TYW1: variants seen among roughly 807,000 people sequenced by gnomAD.
TYW1 encodes S-adenosyl-L-methionine-dependent tRNA 4-demethylwyosine synthase TYW1.
Under a neutral mutation model 96.2 loss-of-function variants are expected in TYW1, and 46 were observed. The ratio of observed to expected loss-of-function variants is 0.48; its 90% CI spans 0.38 to 0.61. TYW1 has a LOEUF of 0.61. Ranked by LOEUF, TYW1 falls within the 20% of genes least tolerant of loss-of-function variation. TYW1 has a pLI of 0.00. For synonymous variants in TYW1, 274 were observed against 323.0 expected, an observed-to-expected ratio of 0.85 and a Z score of 1.63; for missense variants, 684 against 909.6, an observed-to-expected ratio of 0.75 and a Z score of 3.19.
At chr7:67,220,029 A>G (rs1437483439) in intron 15 of TYW1, among the ~76,000 whole-genome samples, 2 of 150,028 alleles carry the variant, frequency 1.3e-5, no homozygotes, top group African/African-American at 4.9e-5. Flanking sequence ...TTACCTTAGC[A>G]TTGCTTTCAC....
At position 67,031,055 on chromosome 7, in the gene TYW1, T is replaced by A. The variant is rs1584483096; in HGVS notation, c.984+6033T>A. ...GTCTCGACTAAAAATTAGCTGGGCGTGGTGGCGCATACCTGTAATCCCAGC... is the reference window on the plus strand; with the variant it reads ...GTCTCGACTAAAAATTAGCTGGGCGAGGTGGCGCATACCTGTAATCCCAGC... On this transcript the variant is annotated intron_variant, in intron 7 of 15. Coordinates refer to ENST00000359626, the MANE Select transcript of TYW1 (RefSeq NM_018264.4). Among the ~76,000 whole-genome samples the A allele has an allele frequency of 4.3e-5, 6 of 138,438 alleles. No individual in the cohort carries two copies. In the South Asian group the frequency reaches 1.5e-3, roughly 34 times the overall value. 90.8% of individuals were successfully genotyped at this position (138,438 alleles called of 152,430 possible).
Position 67,014,383 on chromosome 7 carries a change from T to C in TYW1, c.392T>C (p.Val131Ala), listed in dbSNP as rs368120706. Residue 131 changes from valine (V) to alanine (A), a missense_variant, in exon 5 of 16, where the codon GTC (valine) becomes GCC (alanine). Val to Ala is a moderately conservative substitution (Grantham distance 64, BLOSUM62 0). Coordinates refer to ENST00000359626, the MANE Select transcript of TYW1 (RefSeq NM_018264.4). Reference sequence around the variant, plus strand: ...CTTGGTTAGGTGACTAGTAAAAATGTCTGTGTCTTCCTGGTTGCGACATAC... The same window carrying C: ...CTTGGTTAGGTGACTAGTAAAAATGCCTGTGTCTTCCTGGTTGCGACATAC... ...HLIEEVTSKN[V>A]CVFLVATYTD... 7 of 1,608,114 alleles carry C rather than the reference T, an allele frequency of 4.4e-6. No homozygotes were observed. The highest frequency in any genetic ancestry group is 5.9e-6 in the Non-Finnish European group (7 of 1,176,550).
chr7:67,195,457 C>T (rs1293223061), intron 15 of TYW1, 120 bp downstream of exon 15: 2 of 1,466,716 alleles, frequency 1.4e-6, no homozygotes, highest in Admixed American at 4.4e-5. Context: ...GCTACCTTTC[C>T]CAAAACAAAA....
intron 4 of TYW1, among the ~76,000 whole-genome samples, chr7:67,013,934 G>C (rs544612200): frequency 0.018 from 2,803 of 151,810 alleles, 36 homozygotes; most frequent in Non-Finnish European, 0.03. Flanking sequence ...TAGTAGAGAC[G>C]AGGTTTCACC....
At chr7:67,161,232 A>T (rs772465655) in intron 13 of TYW1, among the ~76,000 whole-genome samples, 6 of 152,074 alleles carry the variant, frequency 3.9e-5, no homozygotes, top group Admixed American at 2.6e-4. Context: ...TTACATTTTC[A>T]TATTTATTTT....
At chr7:67,125,163 C>A (rs1242928855) in intron 13 of TYW1, among the ~76,000 whole-genome samples, 3 of 152,106 alleles carry the variant, frequency 2.0e-5, no homozygotes, top group African/African-American at 4.8e-5. Flanking sequence ...CTTAATATTG[C>A]TTGATAAACA....
chr7:67,203,163 G>A (rs938814376), intron 15 of TYW1, among the ~76,000 whole-genome samples: 3 of 152,148 alleles, frequency 2.0e-5, no homozygotes, highest in Admixed American at 6.5e-5. Context: ...TCTGGCGACC[G>A]CTAATCTCCT....
At chr7:67,186,379 G>A (rs185705656) in intron 14 of TYW1, among the ~76,000 whole-genome samples, 1 of 149,248 alleles carries the variant, frequency 6.7e-6, no homozygotes, top group African/African-American at 2.5e-5. Context: ...TTTAAAGAAT[G>A]ACAGCTACTT....
intron 10 of TYW1, among the ~76,000 whole-genome samples, chr7:67,079,624 G>A (rs998008613): frequency 3.0e-4 from 45 of 148,996 alleles, no homozygotes; most frequent in Non-Finnish European, 5.2e-4. Flanking sequence ...ATTTTTTTCT[G>A]TTCTAGTAAT....
At chr7:67,208,251 A>G (rs1166388294) in intron 15 of TYW1, among the ~76,000 whole-genome samples, 1 of 151,634 alleles carries the variant, frequency 6.6e-6, no homozygotes, top group Non-Finnish European at 1.5e-5. Context: ...AGCCTGGGAG[A>G]CAGTGGTTGC....
intron 12 of TYW1, among the ~76,000 whole-genome samples, chr7:67,103,482 A>G (rs34340486): frequency 6.6e-6 from 1 of 152,256 alleles, no homozygotes; most frequent in Non-Finnish European, 1.5e-5. Flanking sequence ...GGGCTATAGA[A>G]TAGTGAAACA....
At chr7:67,188,250 G>A (rs1295802906) in intron 14 of TYW1, among the ~76,000 whole-genome samples, 1 of 152,160 alleles carries the variant, frequency 6.6e-6, no homozygotes, top group East Asian at 1.9e-4. Context: ...AATCCAGGAG[G>A]CAGAGGCTGC....
chr7:67,163,665 A>G, intron 13 of TYW1, among the ~76,000 whole-genome samples: 1 of 146,814 alleles, frequency 6.8e-6, no homozygotes. Flanking sequence ...TTTAAGCAGG[A>G]GAATTTTTTT....
At chr7:67,140,790 A>G (rs946286035) in intron 13 of TYW1, among the ~76,000 whole-genome samples, 8 of 152,224 alleles carry the variant, frequency 5.3e-5, no homozygotes, top group Non-Finnish European at 8.8e-5. Flanking sequence ...AGAAAAATAT[A>G]TACAAGATTA....
intron 15 of TYW1, among the ~76,000 whole-genome samples, chr7:67,217,287 T>C (rs989014914): frequency 6.6e-6 from 1 of 152,224 alleles, no homozygotes; most frequent in Non-Finnish European, 1.5e-5. Flanking sequence ...AGTTTGTCTA[T>C]TCTTTCTTTT....
chr7:67,189,527 G>T (rs1309529434), intron 14 of TYW1, among the ~76,000 whole-genome samples: 1 of 136,660 alleles, frequency 7.3e-6, no homozygotes, highest in African/African-American at 3.0e-5. Flanking sequence ...ACTTACTAGA[G>T]TCTCATGTGG....
At chr7:67,186,968 A>G (rs112827205) in intron 14 of TYW1, among the ~76,000 whole-genome samples, 43,703 of 151,626 alleles carry the variant, frequency 0.29, 6,976 homozygotes, top group African/African-American at 0.43. Context: ...ATTGAAAATA[A>G]GCAAAAATCT....
chr7:67,099,937 G>C (rs1231801544), intron 12 of TYW1, among the ~76,000 whole-genome samples: 1 of 152,120 alleles, frequency 6.6e-6, no homozygotes, highest in African/African-American at 2.4e-5. Flanking sequence ...GGGAGGCGGA[G>C]GTTTCAGTGA....
chr7:67,129,545 A>G lies in TYW1; in HGVS notation c.1698+11927A>G, dbSNP rs550366797. Among the ~76,000 whole-genome samples the G allele has an allele frequency of 4.6e-5, 7 of 152,256 alleles. No homozygotes were observed. The South Asian group carries it at 1.2e-3, about 27-fold the overall frequency. Reference sequence around the variant, plus strand: ...TGCCTGCCTGTTTTTCCCTCCAATTATGGGGACAGCAGGTTTGCCCTGTGA... The same window carrying G: ...TGCCTGCCTGTTTTTCCCTCCAATTGTGGGGACAGCAGGTTTGCCCTGTGA... On this transcript the variant is annotated intron_variant, in intron 13 of 15. Coordinates refer to ENST00000359626, the MANE Select transcript of TYW1 (RefSeq NM_018264.4).
Sources: allele counts gnomAD v4.1 joint callset (sites outside exome capture counted in the v4.1 genomes callset), GRCh38; gene constraint gnomAD v4.1.1; transcripts MANE v1.5; gene names NCBI Gene and HGNC (gene_info 2026-07-23, HGNC 2026-07-21).